The following MAPK8IP3 variants were observed in gnomAD, a reference collection of about 807,000 sequenced individuals.
MAPK8IP3 encodes the protein C-Jun-amino-terminal kinase-interacting protein 3.
MAPK8IP3 carries 49 observed loss-of-function variants against 157.8 expected under a neutral mutation model. The observed-to-expected ratio is 0.31, with a 90% confidence interval of 0.25 to 0.39. MAPK8IP3 has a LOEUF of 0.39. Ranked by LOEUF, MAPK8IP3 falls within the 10% of genes least tolerant of loss-of-function variation. The pLI is 1.00. For missense variants in MAPK8IP3, 1,478 were observed against 1,889.4 expected, an observed-to-expected ratio of 0.78 and a Z score of 4.04; for synonymous variants, 897 against 777.7, an observed-to-expected ratio of 1.15 and a Z score of -2.55.
At chr16:1,718,373 G>A (rs1166808380) in intron 1 of MAPK8IP3, among the ~76,000 whole-genome samples, 2 of 150,792 alleles carry the variant, frequency 1.3e-5, no homozygotes, top group Non-Finnish European at 3.0e-5. Flanking sequence ...TAGTAGAGAC[G>A]GGGTTTCACC....
intron 10 of MAPK8IP3, among the ~76,000 whole-genome samples, 167 bp from the exon 11 acceptor site, chr16:1,759,791 G>A (rs1278159313): frequency 6.6e-6 from 1 of 152,240 alleles, no homozygotes; most frequent in Non-Finnish European, 1.5e-5. Context: ...CACAGACTGC[G>A]GGCCCAGCAT....
Position 1,764,103 on chromosome 16 carries a change from T to A in MAPK8IP3, c.2026-12T>A. The A allele has an allele frequency of 6.2e-7, 1 of 1,600,356 alleles. No individual in the cohort carries two copies. The highest frequency in any genetic ancestry group is 8.5e-7 in the Non-Finnish European group (1 of 1,173,160). ...AGGGTTCGTGCCCACGGCGCCTCCC[T>A]GCTCCCTGCAGCTGAGTCCCAACGG... On this transcript the variant is annotated splice_polypyrimidine_tract_variant and intron_variant, in intron 17 of 31. Transcript: ENST00000610761.
intron 4 of MAPK8IP3, among the ~76,000 whole-genome samples, chr16:1,737,283 T>TGA (rs541115888): frequency 3.4e-5 from 3 of 87,590 alleles, no homozygotes; most frequent in Admixed American, 1.2e-4. Context: ...AGCGTCCGTG[T>TGA]GAGTGTGACC....
chr16:1,744,902 A>C, intron 5 of MAPK8IP3: 3 of 964,120 alleles, frequency 3.1e-6, no homozygotes, highest in Non-Finnish European at 3.7e-6. Context: ...CTAGGTTTTG[A>C]AGTTTTTCTA....
At chr16:1,736,243 A>C (rs1461804118) in intron 4 of MAPK8IP3, among the ~76,000 whole-genome samples, 1 of 64,838 alleles carries the variant, frequency 1.5e-5, no homozygotes, top group Non-Finnish European at 2.9e-5. Flanking sequence ...CATCCGTGTG[A>C]GCGTGTGACT....
chr16:1,764,161 C>G lies in MAPK8IP3; in HGVS notation c.2072C>G (p.Pro691Arg). ...GQEDTRMKNV[P>R]VPVYCRPLVE... ...GAGGACACGCGGATGAAGAACGTGC[C>G]GGTGCCGGTGTACTGCCGCCCTCTG... The change falls in exon 18 of 32, where the codon CCG becomes CGG. Residue 691 changes from proline (P) to arginine (R), a missense_variant. Pro to Arg is a moderately radical substitution (Grantham distance 103, BLOSUM62 -2). Around this residue, in one of 11 missense-constraint regions of MAPK8IP3, gnomAD observed 669 missense variants for 759.8 expected, o/e 0.88. Coordinates refer to ENST00000610761, the MANE Select transcript of MAPK8IP3 (RefSeq NM_001318852.2). 1 of 1,611,786 alleles carries G rather than the reference C, an allele frequency of 6.2e-7. No individual in the cohort carries two copies. The highest frequency in any genetic ancestry group is 8.5e-7 in the Non-Finnish European group (1 of 1,179,564).
At position 1,740,804 on chromosome 16, in the gene MAPK8IP3, G is replaced by T. The variant is rs547081319; in HGVS notation, c.603-2528G>T. 2.8e-4 allele frequency among the ~76,000 whole-genome samples: 42 copies of T among 152,364 alleles called. 2 individuals are homozygous for T. The South Asian group carries it at 8.5e-3, about 31-fold the overall frequency. The stretch of plus-strand genomic sequence containing the variant: ...CATCAGTTACCAGCCCAGGGCGGCT[G>T]CTTGGTCTGCTGTGAGGTGTTTCCT... On this transcript the variant is annotated intron_variant, in intron 4 of 31. Transcript: ENST00000610761.
chr16:1,736,536 G>C (rs2039858425), intron 4 of MAPK8IP3, among the ~76,000 whole-genome samples: 2 of 81,266 alleles, frequency 2.5e-5, no homozygotes, highest in Non-Finnish European at 2.3e-5. Flanking sequence ...GTCCGTGTGA[G>C]CATCCGTGTG....
At chr16:1,729,396 T>C in intron 3 of MAPK8IP3, 91 bp from the exon 4 acceptor site, 1 of 1,372,454 alleles carries the variant, frequency 7.3e-7, no homozygotes, top group South Asian at 1.2e-5. Flanking sequence ...GATTTCTGCC[T>C]GCACAGGGCA....
chr16:1,743,027 G>A lies in MAPK8IP3; in HGVS notation c.603-305G>A, dbSNP rs941357498. Among the ~76,000 whole-genome samples, 16 of 151,982 alleles carry A rather than the reference G, an allele frequency of 1.1e-4. No individual in the cohort carries two copies. Among genetic ancestry groups the A allele is most frequent in the African/African-American group, 3.9e-4 (16 of 41,336 alleles). ...GGAGAATGGCGTGAACCTGGGAGGTGGAACTTGCAGTGAGCCAAGTTCGTG... is the reference window on the plus strand; with the variant it reads ...GGAGAATGGCGTGAACCTGGGAGGTAGAACTTGCAGTGAGCCAAGTTCGTG... On this transcript the variant is annotated intron_variant, in intron 4 of 31. Transcript: ENST00000610761. The surrounding 1 kb of genome is among the most constrained non-coding windows in gnomAD (Gnocchi z 5.6).
At chr16:1,758,768 A>G (rs1333934944) in intron 9 of MAPK8IP3, among the ~76,000 whole-genome samples, 1 of 152,162 alleles carries the variant, frequency 6.6e-6, no homozygotes, top group African/African-American at 2.4e-5. Flanking sequence ...ATGTAACCCC[A>G]AGGATAAACT....
rs1596793254 is a variant in MAPK8IP3, at chr16:1,764,358, G to A, written c.2179G>A (p.Gly727Arg). The change falls in exon 19 of 32, where the codon GGG becomes AGG. Residue 727 changes from glycine to arginine, a missense_variant. Physicochemically the swap from Gly to Arg is moderately radical, Grantham distance 125 (BLOSUM62 -2). This residue lies in a region of MAPK8IP3 where 669 missense variants were observed against 759.8 expected (regional missense o/e 0.88). Coordinates refer to ENST00000610761, the MANE Select transcript of MAPK8IP3 (RefSeq NM_001318852.2). ...GTGGAGGCCCAATGAGGACGACGCT[G>A]GGAATGGAGTCAAGCCAGCGCCAGG... ...SGWRPNEDDAGNGVKPAPGRD... is the reference protein window; with the variant it reads ...SGWRPNEDDARNGVKPAPGRD... 1.3e-6 allele frequency: 2 copies of A among 1,584,052 alleles called. No homozygotes were observed. Among genetic ancestry groups the A allele is most frequent in the Non-Finnish European group, 1.7e-6 (2 of 1,166,624 alleles).
At chr16:1,715,550 C>T (rs2038091239) in intron 1 of MAPK8IP3, among the ~76,000 whole-genome samples, 1 of 152,112 alleles carries the variant, frequency 6.6e-6, no homozygotes, top group Admixed American at 6.5e-5. Flanking sequence ...CAAAAATGAG[C>T]GTTTTTCCTT....
intron 4 of MAPK8IP3, among the ~76,000 whole-genome samples, chr16:1,735,937 C>T (rs529349461): frequency 9.9e-5 from 11 of 111,268 alleles, no homozygotes; most frequent in Non-Finnish European, 1.8e-4. Context: ...TCCGTGTGAC[C>T]GTCTGTGTGA....
chr16:1,759,007 G>GCC lies in MAPK8IP3; in HGVS notation c.1246+15_1246+16dup. 6.2e-7 allele frequency: 1 copy of GCC among 1,614,170 alleles called. No individual in the cohort carries two copies. The highest frequency in any genetic ancestry group is 8.5e-7 in the Non-Finnish European group (1 of 1,180,008). On this transcript the variant is annotated intron_variant, in intron 10 of 31. Transcript: ENST00000610761. ...CGATGATTTCTTTGGTAAGGCTGAG[G>GCC]CCCCGTTCCAGCGTGCGTCGCTCCT...
intron 8 of MAPK8IP3, 88 bp from the exon 9 acceptor site, chr16:1,758,060 G>C: frequency 7.3e-7 from 1 of 1,364,732 alleles, no homozygotes; most frequent in Admixed American, 1.7e-5. Context: ...TGGGTTTTCT[G>C]TAATAAGAAT....
chr16:1,766,369 G>A lies in MAPK8IP3; in HGVS notation c.2779G>A (p.Asp927Asn). 3 of 1,612,478 alleles carry A rather than the reference G, an allele frequency of 1.9e-6. No individual in the cohort carries two copies. Among genetic ancestry groups the A allele is most frequent in the Non-Finnish European group, 1.7e-6 (2 of 1,179,870 alleles). The change falls in exon 22 of 32, where the codon GAC becomes AAC. Residue 927 changes from aspartate (D) to asparagine (N), a missense_variant. By Grantham distance (23) the Asp-to-Asn change is conservative. Transcript: ENST00000610761. ...GCCTCTCACAGAGCACGTCTTCACT[G>A]ACCCAGCCCCGACCCCGTCCTCTGG... ...PGPLTEHVFT[D>N]PAPTPSSGPQ...
intron 5 of MAPK8IP3, chr16:1,745,793 G>A (rs2141856211): frequency 6.6e-6 from 1 of 152,422 alleles, no homozygotes; most frequent in Non-Finnish European, 1.5e-5. Flanking sequence ...TCCTTCTAGA[G>A]AAACTTAGGA....
chr16:1,734,824 G>T (rs772784395), intron 4 of MAPK8IP3, among the ~76,000 whole-genome samples: 1 of 152,276 alleles, frequency 6.6e-6, no homozygotes, highest in Admixed American at 6.5e-5. Flanking sequence ...AGCGCTGGGC[G>T]CCCTCCTTCC....
Sources: gnomAD v4.1 joint callset for allele counts (sites outside exome capture counted in the v4.1 genomes callset) on GRCh38, gnomAD v4.1.1 for gene constraint, gnomAD v4.1.1 regional missense constraint, Gnocchi (gnomAD v3.1) non-coding constraint, MANE v1.5 for transcripts, NCBI Gene and HGNC (gene_info 2026-07-23, HGNC 2026-07-21) for gene names.